IL1RAPL1: variants seen among roughly 807,000 people sequenced by gnomAD.
IL1RAPL1 encodes the protein interleukin 1 receptor accessory protein like 1.
A neutral mutation model predicts 48.4 loss-of-function variants in IL1RAPL1; 3 were observed. The observed-to-expected ratio is 0.06, with a 90% CI of 0.03 to 0.16. IL1RAPL1 has a LOEUF of 0.16. IL1RAPL1 is among the 10% of genes least tolerant of loss of function. The pLI, the probability that IL1RAPL1 is intolerant of heterozygous loss-of-function variation, is 1.00. For synonymous variants in IL1RAPL1, 185 were observed against 187.7 expected (o/e 0.99, Z 0.12); for missense variants, 349 against 530.6 (o/e 0.66, Z 3.36).
At chrX:29,717,213 C>T (rs1161363708) in intron 6 of IL1RAPL1, among the ~76,000 whole-genome samples, 1 of 109,078 alleles carries the variant, frequency 9.2e-6, no homozygotes, top group Non-Finnish European at 1.9e-5. Flanking sequence ...TACACACACA[C>T]ACACACACAC....
intron 3 of IL1RAPL1, among the ~76,000 whole-genome samples, chrX:29,394,681 G>A (rs1249021984): frequency 9.0e-6 from 1 of 111,213 alleles, no homozygotes; most frequent in Admixed American, 9.6e-5. Flanking sequence ...CTCTTTCCCT[G>A]GATTGTGAGG....
At chrX:29,291,410 A>AT (rs760876909) in intron 3 of IL1RAPL1, among the ~76,000 whole-genome samples, 2,705 of 110,451 alleles carry the variant, frequency 0.024, 88 homozygotes, top group African/African-American at 0.083. Context: ...TTTATTTTTT[A>AT]TTTTTTTTAT....
chrX:28,964,461 C>T (rs768821202), intron 2 of IL1RAPL1, among the ~76,000 whole-genome samples: 5 of 111,410 alleles, frequency 4.5e-5, no homozygotes, highest in South Asian at 3.7e-4. Flanking sequence ...GTGGTTGGCT[C>T]ATATACAAAT....
intron 2 of IL1RAPL1, among the ~76,000 whole-genome samples, chrX:28,934,786 T>A (rs1022607626): frequency 1.8e-5 from 2 of 112,253 alleles, no homozygotes; most frequent in African/African-American, 6.5e-5. Flanking sequence ...CTGTTCATAA[T>A]TTAATTGTCA....
chrX:29,011,036 A>G (rs1230338429), intron 2 of IL1RAPL1, among the ~76,000 whole-genome samples: 1 of 112,020 alleles, frequency 8.9e-6, no homozygotes, highest in Non-Finnish European at 1.9e-5. Context: ...ATCTACTTTT[A>G]TCATTGTTTA....
chrX:29,657,771 G>A (rs1205915486), intron 5 of IL1RAPL1, among the ~76,000 whole-genome samples: 1 of 109,277 alleles, frequency 9.2e-6, no homozygotes, highest in Non-Finnish European at 1.9e-5. Context: ...TTCCCTCACA[G>A]GATACATAAT....
chrX:29,141,409 T>G (rs1378047068), intron 2 of IL1RAPL1, among the ~76,000 whole-genome samples: 1 of 111,536 alleles, frequency 9.0e-6, no homozygotes, highest in Non-Finnish European at 1.9e-5. Context: ...CATTTCTTTG[T>G]TTGAATTATT....
chrX:29,562,499 A>G (rs762394373), intron 5 of IL1RAPL1, among the ~76,000 whole-genome samples: 1 of 111,525 alleles, frequency 9.0e-6, no homozygotes, highest in Non-Finnish European at 1.9e-5. Context: ...GTATAAAATT[A>G]TGATCTTAGT....
intron 5 of IL1RAPL1, among the ~76,000 whole-genome samples, chrX:29,572,246 A>AATC (rs1922616597): frequency 8.9e-6 from 1 of 112,308 alleles, no homozygotes; most frequent in Non-Finnish European, 1.9e-5. Flanking sequence ...TAAAGCATAT[A>AATC]ATCATTCAAC....
At chrX:29,199,319 T>C (rs1218628858) in intron 2 of IL1RAPL1, among the ~76,000 whole-genome samples, 1 of 111,257 alleles carries the variant, frequency 9.0e-6, no homozygotes, top group Non-Finnish European at 1.9e-5. Flanking sequence ...CTTTGAATGA[T>C]ACTATAATCA....
intron 6 of IL1RAPL1, among the ~76,000 whole-genome samples, chrX:29,766,351 A>G (rs1469699972): frequency 3.5e-5 from 3 of 86,203 alleles, no homozygotes; most frequent in South Asian, 4.9e-4. Flanking sequence ...AAATATATAT[A>G]TATATATATA....
intron 6 of IL1RAPL1, among the ~76,000 whole-genome samples, chrX:29,704,037 C>T (rs909545600): frequency 3.6e-5 from 4 of 111,221 alleles, no homozygotes; most frequent in African/African-American, 1.3e-4. Flanking sequence ...ATCCTCCCAC[C>T]TCAGCCTTCC....
rs868588933 is a variant in IL1RAPL1, at chrX:29,484,009, A to T, written c.703+84701A>T. ...CACCTGGCCCAGTAGTCCATTAAAA[A>T]AAAAAAAAAAAAAAAACTCATTGAG... On this transcript the variant is annotated intron_variant, in intron 5 of 10. Transcript: ENST00000378993. Among the ~76,000 whole-genome samples the T allele has an allele frequency of 7.6e-3, 798 of 105,047 alleles. 4 individuals carry two copies. Among genetic ancestry groups the T allele is most frequent in the African/African-American group, 0.016 (458 of 29,218 alleles). 91.2% of individuals were successfully genotyped at this position (105,047 alleles called of 115,157 possible).
rs918189640 is a variant in IL1RAPL1, at chrX:28,846,302, C to T, written c.82+56877C>T. On this transcript the variant is annotated intron_variant, in intron 2 of 10. Coordinates refer to ENST00000378993, the MANE Select transcript of IL1RAPL1 (RefSeq NM_014271.4). ...TAATATTCTATTGTCGGGATGTACC[C>T]AGGTTTATTTATGTGTTCACCTACT... is the stretch of plus-strand genomic sequence containing the variant. Among the ~76,000 whole-genome samples the T allele has an allele frequency of 1.3e-4, 14 of 111,866 alleles. No individual in the cohort carries two copies. The South Asian group carries it at 3.3e-3, about 27-fold the overall frequency.
intron 2 of IL1RAPL1, among the ~76,000 whole-genome samples, chrX:29,141,437 A>G (rs764761895): frequency 9.0e-6 from 1 of 111,721 alleles, no homozygotes; most frequent in African/African-American, 3.2e-5. Context: ...ATAAAACAGT[A>G]TGAACCATTG....
intron 3 of IL1RAPL1, among the ~76,000 whole-genome samples, chrX:29,388,554 A>G (rs55928620): frequency 0.13 from 14,931 of 111,946 alleles, 888 homozygotes; most frequent in African/African-American, 0.24. Flanking sequence ...ATGATTGGAT[A>G]CATGGAATGT....
intron 1 of IL1RAPL1, among the ~76,000 whole-genome samples, chrX:28,720,056 A>G (rs1394216678): frequency 9.0e-6 from 1 of 111,472 alleles, no homozygotes; most frequent in African/African-American, 3.3e-5. Context: ...CATATCCCCA[A>G]GTAATTTATG....
intron 1 of IL1RAPL1, among the ~76,000 whole-genome samples, chrX:28,705,686 G>A (rs1935367341): frequency 9.0e-6 from 1 of 111,478 alleles, no homozygotes; most frequent in African/African-American, 3.3e-5. Flanking sequence ...ATCTCAGAGG[G>A]TGGATATAAT....
chrX:29,426,922 G>T (rs1241634326), intron 5 of IL1RAPL1, among the ~76,000 whole-genome samples: 1 of 108,664 alleles, frequency 9.2e-6, no homozygotes, highest in African/African-American at 3.3e-5. Context: ...ATACTTCTTA[G>T]TCTCTAAAAT....
Sources: allele counts gnomAD v4.1 joint callset (sites outside exome capture counted in the v4.1 genomes callset), GRCh38; gene constraint gnomAD v4.1.1; transcripts MANE v1.5; gene names NCBI Gene and HGNC (gene_info 2026-07-23, HGNC 2026-07-21).